SNTB1: variants seen among roughly 807,000 people sequenced by gnomAD.
The protein encoded by SNTB1 is syntrophin beta 1, also known as beta-1-syntrophin.
SNTB1 carries 36 observed loss-of-function variants against 48.9 expected under a neutral mutation model. The ratio of observed to expected loss-of-function variants is 0.74; its 90% confidence interval spans 0.56 to 0.97. The LOEUF is 0.97. Among genes scored for constraint, SNTB1 ranks in the 50% least tolerant of loss-of-function variants. The probability of loss-of-function intolerance (pLI) is 0.00; values close to 1 mark genes in which losing one functional copy is unlikely to be tolerated. For missense variants in SNTB1, 786 were observed against 703.4 expected, an observed-to-expected ratio of 1.12 and a Z score of -1.33; for synonymous variants, 299 against 294.6, an observed-to-expected ratio of 1.01 and a Z score of -0.15.
chr8:120,587,057 C>T (rs1471534209), intron 3 of SNTB1, among the ~76,000 whole-genome samples: 1 of 152,090 alleles, frequency 6.6e-6, no homozygotes, highest in African/African-American at 2.4e-5. Flanking sequence ...CCTGTCTCTA[C>T]TAAAAATACA....
At chr8:120,684,304 C>T (rs945671960) in intron 2 of SNTB1, among the ~76,000 whole-genome samples, 4 of 152,100 alleles carry the variant, frequency 2.6e-5, no homozygotes, top group South Asian at 2.1e-4. Flanking sequence ...ACATTCAGAC[C>T]GTAACATTCT....
rs546034834 is a variant in SNTB1 at position 120,641,947 on chromosome 8, A to T, written c.789-9296T>A. Among the ~76,000 whole-genome samples the T allele has an allele frequency of 1.7e-4, 26 of 151,996 alleles. No homozygotes were observed. In the South Asian group the frequency reaches 5.4e-3, roughly 32 times the overall value. On this transcript the variant is annotated intron_variant, in intron 2 of 6. Transcript: ENST00000517992. The stretch of plus-strand genomic sequence containing the variant: ...TAGGACAATTTCTGAGGCAAAGTTG[A>T]AATACCAGGTCCCATACTTTTTGGC...
chr8:120,681,063 A>T (rs1587084775), intron 2 of SNTB1, among the ~76,000 whole-genome samples: 1 of 152,174 alleles, frequency 6.6e-6, no homozygotes, highest in East Asian at 1.9e-4. Flanking sequence ...TAATTCATTC[A>T]CACTGATTAA....
chr8:120,751,728 A>G (rs971088915), intron 1 of SNTB1, among the ~76,000 whole-genome samples: 9 of 152,132 alleles, frequency 5.9e-5, no homozygotes, highest in African/African-American at 1.9e-4. Context: ...CTTAACCTCT[A>G]TAGGCTTCCA....
intron 1 of SNTB1, among the ~76,000 whole-genome samples, chr8:120,729,448 G>GA (rs1818816702): frequency 6.6e-6 from 1 of 152,280 alleles, no homozygotes; most frequent in African/African-American, 2.4e-5. Flanking sequence ...CTCCTTGTGA[G>GA]AAAAAATAAT....
At chr8:120,624,012 A>G (rs1036641070) in intron 3 of SNTB1, among the ~76,000 whole-genome samples, 1 of 152,128 alleles carries the variant, frequency 6.6e-6, no homozygotes, top group Middle Eastern at 3.2e-3. Flanking sequence ...ATCTTGGCTC[A>G]CTGCAACCTC....
chr8:120,715,384 G>A (rs1022776461), intron 1 of SNTB1, among the ~76,000 whole-genome samples: 1 of 152,128 alleles, frequency 6.6e-6, no homozygotes, highest in South Asian at 2.1e-4. Flanking sequence ...CAATGCTCAG[G>A]TTTCTTGGTT....
chr8:120,628,187 G>C (rs1194310678), intron 3 of SNTB1, among the ~76,000 whole-genome samples: 2 of 152,136 alleles, frequency 1.3e-5, no homozygotes, highest in Non-Finnish European at 2.9e-5. Flanking sequence ...GAGATAACAA[G>C]GGAAAGCAAA....
At chr8:120,541,092 A>G (rs1319881885) in intron 6 of SNTB1, 1 of 152,190 alleles carries the variant, frequency 6.6e-6, no homozygotes, top group Non-Finnish European at 1.5e-5. Flanking sequence ...CTTGCTAGAG[A>G]GCATAAGAAT....
chr8:120,699,899 T>C (rs1335300835), intron 1 of SNTB1, among the ~76,000 whole-genome samples: 3 of 152,122 alleles, frequency 2.0e-5, no homozygotes, highest in Admixed American at 1.3e-4. Context: ...TTACAACACA[T>C]AAATACAAAG....
At position 120,640,346 on chromosome 8, in the gene SNTB1, A is replaced by T. The variant is rs201150473; in HGVS notation, c.789-7695T>A. 6.0e-4 allele frequency among the ~76,000 whole-genome samples: 92 copies of T among 152,176 alleles called. 1 individual carries two copies. The highest frequency in any genetic ancestry group is 2.0e-3 in the African/African-American group (84 of 41,530). The stretch of plus-strand genomic sequence containing the variant: ...CAAACAGGGACAATTTGACTTCATC[A>T]TTTCCTAATTGAATACCCTTTATTT... On this transcript the variant is annotated intron_variant, in intron 2 of 6. Coordinates refer to ENST00000517992, the MANE Select transcript of SNTB1 (RefSeq NM_021021.4).
chr8:120,655,219 T>C (rs999462666), intron 2 of SNTB1, among the ~76,000 whole-genome samples: 3 of 152,232 alleles, frequency 2.0e-5, no homozygotes, highest in Non-Finnish European at 2.9e-5. Context: ...GATAATGTCA[T>C]TGATGAAATG....
At chr8:120,569,067 G>A (rs966567221) in intron 4 of SNTB1, among the ~76,000 whole-genome samples, 1 of 152,126 alleles carries the variant, frequency 6.6e-6, no homozygotes, top group African/African-American at 2.4e-5. Context: ...CTGCAATGCC[G>A]CCTCCCAGGT....
intron 1 of SNTB1, among the ~76,000 whole-genome samples, chr8:120,709,302 T>C (rs1818425209): frequency 6.6e-6 from 1 of 152,110 alleles, no homozygotes; most frequent in South Asian, 2.1e-4. Context: ...TTAATTCCAT[T>C]AAAAAGGATA....
intron 1 of SNTB1, among the ~76,000 whole-genome samples, chr8:120,772,875 C>T (rs1819663595): frequency 6.6e-6 from 1 of 152,082 alleles, no homozygotes; most frequent in Admixed American, 6.5e-5. Context: ...AAAAAAGATG[C>T]TGCCATGAGA....
chr8:120,696,957 C>G (rs944609005), intron 1 of SNTB1, among the ~76,000 whole-genome samples: 1 of 152,130 alleles, frequency 6.6e-6, no homozygotes, highest in Non-Finnish European at 1.5e-5. Context: ...GTGGCAGAAT[C>G]AAAGGTTAGC....
intron 3 of SNTB1, among the ~76,000 whole-genome samples, chr8:120,603,312 C>A (rs1816455038): frequency 6.6e-6 from 1 of 152,146 alleles, no homozygotes; most frequent in African/African-American, 2.4e-5. Context: ...ATTGGTCAGG[C>A]TGGTCTCGAA....
At chr8:120,613,831 T>G (rs1247558425) in intron 3 of SNTB1, among the ~76,000 whole-genome samples, 1 of 152,250 alleles carries the variant, frequency 6.6e-6, no homozygotes, top group African/African-American at 2.4e-5. Flanking sequence ...CATCTCACTT[T>G]TCAGTTATTT....
rs565140291 is a variant in SNTB1 at position 120,578,004 on chromosome 8, G to A, written c.997-2779C>T. Among the ~76,000 whole-genome samples the A allele has an allele frequency of 5.3e-3, 801 of 152,140 alleles. 4 individuals are homozygous for A. Among genetic ancestry groups the A allele is most frequent in the South Asian group, 0.013 (60 of 4,800 alleles). On this transcript the variant is annotated intron_variant, in intron 3 of 6. Transcript: ENST00000517992. ...TATGGGGACAAACAACTTTCCAAAG[G>A]GGGGAAAAATCATGTGGAAGAACAG...
Sources: allele counts gnomAD v4.1 joint callset (sites outside exome capture counted in the v4.1 genomes callset), GRCh38; gene constraint gnomAD v4.1.1; transcripts MANE v1.5; gene names NCBI Gene and HGNC (gene_info 2026-07-23, HGNC 2026-07-21).